Variants in NALCN observed in about 807,000 individuals in gnomAD.
NALCN encodes sodium leak channel NALCN.
Under a neutral mutation model 225.3 loss-of-function variants are expected in NALCN, and 111 were observed. That is an observed-to-expected ratio of 0.49 (90% CI 0.42 to 0.58). The LOEUF (loss-of-function observed/expected upper bound fraction) is 0.58. NALCN is among the 20% of genes least tolerant of loss of function. The pLI is 0.00. For missense variants in NALCN, 1,378 were observed against 2,202.4 expected (o/e 0.63, Z 7.49); for synonymous variants, 764 against 769.0 (o/e 0.99, Z 0.11).
chr13:101,166,544 T>C (rs951223633), intron 15 of NALCN, among the ~76,000 whole-genome samples: 1 of 152,182 alleles, frequency 6.6e-6, no homozygotes, highest in Non-Finnish European at 1.5e-5. Flanking sequence ...TTTAGATAAA[T>C]GTCAGCTTAA....
chr13:101,374,578 T>C (rs1338668702), intron 6 of NALCN, among the ~76,000 whole-genome samples: 2 of 152,142 alleles, frequency 1.3e-5, no homozygotes, highest in East Asian at 1.9e-4. Context: ...TGAGCCACTG[T>C]GCACAGCCCC....
intron 26 of NALCN, among the ~76,000 whole-genome samples, chr13:101,102,821 T>A (rs925778482): frequency 6.6e-6 from 1 of 152,202 alleles, no homozygotes; most frequent in Non-Finnish European, 1.5e-5. Flanking sequence ...CTAATCCCAT[T>A]TGTGGAGTAC....
At chr13:101,147,120 G>T (rs2037386890) in intron 15 of NALCN, among the ~76,000 whole-genome samples, 1 of 152,120 alleles carries the variant, frequency 6.6e-6, no homozygotes, top group African/African-American at 2.4e-5. Context: ...ACATATCATT[G>T]AAATGAGAAC....
At chr13:101,171,663 A>G (rs988981125) in intron 15 of NALCN, among the ~76,000 whole-genome samples, 5 of 152,160 alleles carry the variant, frequency 3.3e-5, no homozygotes, top group Admixed American at 2.0e-4. Flanking sequence ...TTTTTGGAAC[A>G]TGATTGTGGG....
At chr13:101,300,932 T>A (rs1443848700) in intron 7 of NALCN, among the ~76,000 whole-genome samples, 1 of 152,242 alleles carries the variant, frequency 6.6e-6, no homozygotes, top group Non-Finnish European at 1.5e-5. Flanking sequence ...TTTTTACACT[T>A]AAGCACTCTT....
intron 7 of NALCN, among the ~76,000 whole-genome samples, chr13:101,299,426 T>G (rs559271612): frequency 1.6e-3 from 247 of 151,626 alleles, no homozygotes; most frequent in African/African-American, 4.0e-3. Context: ...ACAGGGTTTT[T>G]TTTGTTTGTT....
rs147355707 is a variant in NALCN, at chr13:101,336,019, T to C, written c.799+9247A>G. 6.6e-4 allele frequency among the ~76,000 whole-genome samples: 100 copies of C among 152,182 alleles called. 1 individual carries two copies. Among genetic ancestry groups the C allele is most frequent in the African/African-American group, 2.1e-3 (88 of 41,544 alleles). On this transcript the variant is annotated intron_variant, in intron 7 of 43. Coordinates refer to ENST00000251127, the MANE Select transcript of NALCN (RefSeq NM_052867.4). ...TCTTTCATCATATTTTATGTCCATA[T>C]TTAACATCAGATGTAATAAGAGGCA...
intron 12 of NALCN, among the ~76,000 whole-genome samples, chr13:101,236,792 T>A (rs2041572756): frequency 1.3e-5 from 2 of 149,032 alleles, no homozygotes; most frequent in Non-Finnish European, 3.0e-5. Flanking sequence ...CAGGGATAGC[T>A]TTAGGAGATA....
Position 101,229,573 on chromosome 13 carries a change from T to C in NALCN, c.1446A>G (p.Val482=). The change falls in exon 13 of 44, where the codon GTA becomes GTG. Residue 482 remains valine, a synonymous_variant. Coordinates refer to ENST00000251127, the MANE Select transcript of NALCN (RefSeq NM_052867.4). ...SQFTYFQVLR[V]VRLIKISPAL... ...CAGGTGAAATCTTAATCAGCCGAACTACTCGGAGAACCTATCAAGGGAGAG... is the reference window on the plus strand; with the variant it reads ...CAGGTGAAATCTTAATCAGCCGAACCACTCGGAGAACCTATCAAGGGAGAG... 1 of 1,589,560 alleles carries C rather than the reference T, an allele frequency of 6.3e-7. No individual in the cohort carries two copies. The highest frequency in any genetic ancestry group is 8.6e-7 in the Non-Finnish European group (1 of 1,169,328).
chr13:101,167,624 G>T (rs2038503342), intron 15 of NALCN, among the ~76,000 whole-genome samples: 1 of 147,654 alleles, frequency 6.8e-6, no homozygotes, highest in Admixed American at 6.7e-5. Context: ...GTCACTTGAG[G>T]TCAGGAGTTC....
chr13:101,378,534 G>A (rs1566631938), intron 4 of NALCN, 36 bp downstream of exon 4: 1 of 1,516,376 alleles, frequency 6.6e-7, no homozygotes, highest in South Asian at 1.3e-5. Context: ...CCATTTTGGA[G>A]AATACCTGCT....
rs1019253696 is a variant in NALCN at position 101,110,981 on chromosome 13, G to A, written c.2294+144C>T. ...GGATCTGATTAGGTGTTTCATTATT[G>A]TAACAAACAGCAAATAGAACGCGAT... On this transcript the variant is annotated intron_variant, in intron 19 of 43. Transcript: ENST00000251127. 6 of 821,726 alleles carry A rather than the reference G, an allele frequency of 7.3e-6. No individual in the cohort carries two copies. In the South Asian group the frequency reaches 9.2e-5, roughly 13 times the overall value. The allele number at this position is 821,726 out of a possible 1,614,324, so 50.9% of individuals were successfully genotyped here.
At chr13:101,163,499 C>A (rs1480877854) in intron 15 of NALCN, among the ~76,000 whole-genome samples, 1 of 152,170 alleles carries the variant, frequency 6.6e-6, no homozygotes, top group Non-Finnish European at 1.5e-5. Context: ...CTTACAGAAA[C>A]CTTTCCTCTA....
At chr13:101,142,563 A>G (rs533202796) in intron 17 of NALCN, among the ~76,000 whole-genome samples, 11 of 152,262 alleles carry the variant, frequency 7.2e-5, no homozygotes, top group African/African-American at 4.8e-5. Context: ...TCTGAAAAAA[A>G]TTTTCCCTTC....
intron 36 of NALCN, among the ~76,000 whole-genome samples, chr13:101,074,304 A>G (rs1452956657): frequency 6.6e-6 from 1 of 152,158 alleles, no homozygotes; most frequent in Non-Finnish European, 1.5e-5. Context: ...TAATTTTTCT[A>G]AGGTTTTGAA....
At chr13:101,101,281 C>T (rs200405119) in intron 26 of NALCN, among the ~76,000 whole-genome samples, 2,114 of 111,924 alleles carry the variant, frequency 0.019, 26 homozygotes, top group African/African-American at 0.049. Context: ...ATTTTTTTTT[C>T]TTTTTTTTTT....
intron 11 of NALCN, among the ~76,000 whole-genome samples, chr13:101,246,129 G>A (rs1231438722): frequency 1.3e-5 from 2 of 152,058 alleles, no homozygotes; most frequent in South Asian, 2.1e-4. Context: ...GTTTTGTCCA[G>A]TTCTTTATTC....
At chr13:101,304,579 A>G (rs1001931112) in intron 7 of NALCN, among the ~76,000 whole-genome samples, 5 of 151,976 alleles carry the variant, frequency 3.3e-5, no homozygotes, top group Non-Finnish European at 5.9e-5. Context: ...CTGGGACTAC[A>G]GGCACTCACT....
chr13:101,136,900 C>A (rs1294857265), intron 17 of NALCN, among the ~76,000 whole-genome samples: 1 of 152,170 alleles, frequency 6.6e-6, no homozygotes. Context: ...AATGGTTGAA[C>A]TAGTTTACGG....
Sources: allele counts gnomAD v4.1 joint callset (sites outside exome capture counted in the v4.1 genomes callset), GRCh38; gene constraint gnomAD v4.1.1; transcripts MANE v1.5; gene names NCBI Gene and HGNC (gene_info 2026-07-23, HGNC 2026-07-21).